Variants in CADM2 observed in about 807,000 individuals in gnomAD.
CADM2 encodes the protein cell adhesion molecule 2.
A neutral mutation model predicts 49.8 loss-of-function variants in CADM2; 12 were observed. The ratio of observed to expected loss-of-function variants is 0.24; its 90% confidence interval spans 0.15 to 0.39. The LOEUF is 0.39. Ranked by LOEUF, CADM2 falls within the 10% of genes least tolerant of loss-of-function variation. The probability of loss-of-function intolerance (pLI) is 1.00; values close to 1 mark genes in which losing one functional copy is unlikely to be tolerated. For missense variants in CADM2, 378 were observed against 492.3 expected (o/e 0.77, Z 2.20); for synonymous variants, 214 against 175.4 (o/e 1.22, Z -1.74).
At chr3:85,377,145 A>G (rs2033639125) in intron 1 of CADM2, among the ~76,000 whole-genome samples, 1 of 152,120 alleles carries the variant, frequency 6.6e-6, no homozygotes, top group South Asian at 2.1e-4. Context: ...TTGCCTATTT[A>G]GCAATATACA....
intron 2 of CADM2, among the ~76,000 whole-genome samples, chr3:85,784,753 T>G (rs926996234): frequency 6.6e-6 from 1 of 152,162 alleles, no homozygotes; most frequent in African/African-American, 2.4e-5. Flanking sequence ...TTTGCCTTTG[T>G]GTGTGTGTTT....
intron 1 of CADM2, among the ~76,000 whole-genome samples, chr3:85,155,050 G>T (rs1438812539): frequency 6.8e-6 from 1 of 148,018 alleles, no homozygotes; most frequent in Non-Finnish European, 1.5e-5. Flanking sequence ...AAAATAACCA[G>T]CTAACATCAT....
chr3:85,032,596 A>G (rs1043194659), intron 1 of CADM2, among the ~76,000 whole-genome samples: 2 of 152,200 alleles, frequency 1.3e-5, no homozygotes, highest in Admixed American at 6.5e-5. Flanking sequence ...TCAATTCTGT[A>G]TGCATTGCAA....
intron 3 of CADM2, among the ~76,000 whole-genome samples, chr3:85,829,184 A>T (rs886367314): frequency 1.3e-5 from 2 of 151,942 alleles, no homozygotes; most frequent in East Asian, 3.9e-4. Flanking sequence ...ATTATATCCT[A>T]ATTTCAGGTT....
intron 1 of CADM2, among the ~76,000 whole-genome samples, chr3:84,962,635 G>A (rs140731251): frequency 2.6e-4 from 39 of 152,272 alleles, no homozygotes; most frequent in African/African-American, 8.9e-4. Flanking sequence ...TTTGGCTAGA[G>A]GGAGTCTGCC....
intron 1 of CADM2, among the ~76,000 whole-genome samples, chr3:85,160,525 C>T (rs1052631542): frequency 6.6e-6 from 1 of 152,210 alleles, no homozygotes; most frequent in Non-Finnish European, 1.5e-5. Flanking sequence ...CTATTTGTTG[C>T]TCATATTGTA....
At chr3:86,015,153 T>C (rs1295845713) in intron 8 of CADM2, 3 of 488,558 alleles carry the variant, frequency 6.1e-6, no homozygotes, top group Non-Finnish European at 1.1e-5. Context: ...TTCTTATATT[T>C]GATATTTTAA....
At chr3:86,032,153 A>G (rs1380539592) in intron 8 of CADM2, among the ~76,000 whole-genome samples, 1 of 151,790 alleles carries the variant, frequency 6.6e-6, no homozygotes, top group Non-Finnish European at 1.5e-5. Context: ...TGAGCAACAT[A>G]TAGACTCTTA....
chr3:85,350,890 A>G (rs2031273727), intron 1 of CADM2, among the ~76,000 whole-genome samples: 1 of 152,182 alleles, frequency 6.6e-6, no homozygotes, highest in South Asian at 2.1e-4. Flanking sequence ...AGGGGTATTA[A>G]TTGAAGCATG....
intron 1 of CADM2, among the ~76,000 whole-genome samples, chr3:85,206,271 C>T (rs1244595329): frequency 6.6e-6 from 1 of 151,066 alleles, no homozygotes; most frequent in Non-Finnish European, 1.5e-5. Flanking sequence ...TCAAATCAAG[C>T]ATTCAAAGCA....
At chr3:85,235,897 C>T (rs2042397018) in intron 1 of CADM2, among the ~76,000 whole-genome samples, 1 of 152,024 alleles carries the variant, frequency 6.6e-6, no homozygotes, top group South Asian at 2.1e-4. Flanking sequence ...CACACTAAAG[C>T]TCTTATTTTA....
intron 1 of CADM2, among the ~76,000 whole-genome samples, chr3:85,140,721 G>A (rs1575963951): frequency 6.6e-6 from 1 of 152,310 alleles, no homozygotes; most frequent in East Asian, 1.9e-4. Flanking sequence ...CATTTGACAG[G>A]TAACATGTAG....
chr3:85,655,883 C>G (rs762669745), intron 1 of CADM2, among the ~76,000 whole-genome samples: 8 of 152,156 alleles, frequency 5.3e-5, no homozygotes, highest in Non-Finnish European at 1.0e-4. Flanking sequence ...GCTGTTGCAG[C>G]TGGTCCAAGG....
chr3:85,824,400 GA>G (rs1183207034), intron 3 of CADM2, among the ~76,000 whole-genome samples: 9 of 151,976 alleles, frequency 5.9e-5, no homozygotes, highest in South Asian at 2.1e-4. Flanking sequence ...AATGGATAGA[GA>G]TTTTTTTTTT....
chr3:85,042,359 C>T (rs1282914392), intron 1 of CADM2, among the ~76,000 whole-genome samples: 1 of 152,174 alleles, frequency 6.6e-6, no homozygotes, highest in East Asian at 1.9e-4. Flanking sequence ...ATGTTTTAGA[C>T]GGGGGCTCAC....
chr3:85,286,637 A>C (rs894766956), intron 1 of CADM2, among the ~76,000 whole-genome samples: 1 of 152,166 alleles, frequency 6.6e-6, no homozygotes, highest in African/African-American at 2.4e-5. Flanking sequence ...GATATAATTG[A>C]CCCAAACATT....
intron 1 of CADM2, among the ~76,000 whole-genome samples, chr3:85,265,495 G>A (rs949216351): frequency 3.9e-5 from 6 of 151,914 alleles, no homozygotes; most frequent in Admixed American, 3.3e-4. Flanking sequence ...ATGAGAGAGA[G>A]AGCAAGAAGA....
At chr3:85,175,147 C>A (rs892831415) in intron 1 of CADM2, among the ~76,000 whole-genome samples, 1 of 152,062 alleles carries the variant, frequency 6.6e-6, no homozygotes, top group African/African-American at 2.4e-5. Flanking sequence ...CAGAAAATAA[C>A]AAGTGTATGT....
intron 6 of CADM2, among the ~76,000 whole-genome samples, chr3:85,919,347 C>T (rs1718796323): frequency 6.6e-6 from 1 of 151,412 alleles, no homozygotes; most frequent in East Asian, 1.9e-4. Flanking sequence ...GCATGTACAC[C>T]CAAAAAATTC....
Sources: allele counts gnomAD v4.1 joint callset (sites outside exome capture counted in the v4.1 genomes callset), GRCh38; gene constraint gnomAD v4.1.1; transcripts MANE v1.5; gene names NCBI Gene and HGNC (gene_info 2026-07-23, HGNC 2026-07-21).